The following SEL1L3 variants were observed in gnomAD, a reference collection of about 807,000 sequenced individuals.
SEL1L3 encodes protein sel-1 homolog 3.
In SEL1L3, 76 loss-of-function variants were observed where a neutral mutation model predicts 142.8. That is an observed-to-expected ratio of 0.53 (90% CI 0.44 to 0.64). The LOEUF is 0.64. SEL1L3 is among the 30% of genes least tolerant of loss of function. SEL1L3 has a pLI of 0.00. For missense variants in SEL1L3, 1,262 were observed against 1,381.7 expected, an observed-to-expected ratio of 0.91 and a Z score of 1.37; for synonymous variants, 504 against 519.6, an observed-to-expected ratio of 0.97 and a Z score of 0.41.
intron 23 of SEL1L3, among the ~76,000 whole-genome samples, chr4:25,752,301 C>T (rs1277831911): frequency 6.6e-6 from 1 of 150,564 alleles, no homozygotes; most frequent in Non-Finnish European, 1.5e-5. Context: ...CCTGTAGTCC[C>T]AGCTACTCAG....
At chr4:25,776,161 G>A (rs1347881235) in intron 17 of SEL1L3, 116 bp downstream of exon 17, 20 of 636,532 alleles carry the variant, frequency 3.1e-5, no homozygotes, top group Non-Finnish European at 2.3e-5. Flanking sequence ...TATCATTACT[G>A]GGAGCTGTGA....
intron 19 of SEL1L3, among the ~76,000 whole-genome samples, chr4:25,765,675 G>T (rs547491081): frequency 6.6e-6 from 1 of 151,730 alleles, no homozygotes; most frequent in South Asian, 2.1e-4. Context: ...TAGGGTCTCC[G>T]CTGCCTAGGC....
intron 11 of SEL1L3, among the ~76,000 whole-genome samples, chr4:25,794,822 T>C (rs1712600117): frequency 6.6e-6 from 1 of 152,142 alleles, no homozygotes; most frequent in African/African-American, 2.4e-5. Context: ...CCATCAGTGA[T>C]AGACTGGATA....
intron 11 of SEL1L3, among the ~76,000 whole-genome samples, chr4:25,793,864 C>T (rs1050114062): frequency 1.3e-5 from 2 of 152,116 alleles, no homozygotes; most frequent in Non-Finnish European, 2.9e-5. Flanking sequence ...AATTTCTGAC[C>T]TCATAAGGTT....
At chr4:25,831,437 A>G (rs1485460295) in intron 5 of SEL1L3, among the ~76,000 whole-genome samples, 1 of 151,014 alleles carries the variant, frequency 6.6e-6, no homozygotes, top group Non-Finnish European at 1.5e-5. Context: ...CCAGCATAAA[A>G]TGCTATCTCC....
chr4:25,763,886 A>G (rs1718545942), intron 20 of SEL1L3, among the ~76,000 whole-genome samples: 1 of 152,168 alleles, frequency 6.6e-6, no homozygotes, highest in African/African-American at 2.4e-5. Flanking sequence ...CCAAAGATTG[A>G]TACAGGGATA....
the SEL1L3 span, among the ~76,000 whole-genome samples, chr4:25,740,442 A>G: frequency 5.9e-5 from 9 of 151,836 alleles, no homozygotes; most frequent in Admixed American, 2.0e-4. Context: ...CAAAAAAAAA[A>G]AAAAAAATCT....
chr4:25,820,255 C>T (rs796161651), intron 7 of SEL1L3, among the ~76,000 whole-genome samples: 2 of 152,320 alleles, frequency 1.3e-5, no homozygotes, highest in African/African-American at 2.4e-5. Flanking sequence ...CTCACCTCCC[C>T]CTTCAATTCC....
chr4:25,803,624 T>A (rs1470617954), intron 10 of SEL1L3, among the ~76,000 whole-genome samples: 3 of 152,154 alleles, frequency 2.0e-5, no homozygotes, highest in Non-Finnish European at 4.4e-5. Context: ...ACTGGTGAGG[T>A]AAGCTACACA....
chr4:25,752,494 C>T (rs1717670643), intron 23 of SEL1L3, among the ~76,000 whole-genome samples: 1 of 151,300 alleles, frequency 6.6e-6, no homozygotes, highest in South Asian at 2.1e-4. Context: ...AGGCTTTGGT[C>T]ATTATGTCTG....
chr4:25,853,664 C>CTTTTTTTTTT (rs34922528), intron 1 of SEL1L3, among the ~76,000 whole-genome samples: 10 of 83,004 alleles, frequency 1.2e-4, no homozygotes, highest in Non-Finnish European at 1.7e-4. Context: ...CTCTTCTTAC[C>CTTTTTTTTTT]TTTTTTTTTT....
At chr4:25,857,754 A>G (rs1717367914) in intron 1 of SEL1L3, among the ~76,000 whole-genome samples, 1 of 152,150 alleles carries the variant, frequency 6.6e-6, no homozygotes, top group Non-Finnish European at 1.5e-5. Context: ...GATGCCCTCA[A>G]CTCACGTCCT....
At chr4:25,806,600 T>C (rs1427762072) in intron 9 of SEL1L3, among the ~76,000 whole-genome samples, 1 of 152,030 alleles carries the variant, frequency 6.6e-6, no homozygotes, top group Non-Finnish European at 1.5e-5. Context: ...GTCCCTGAGA[T>C]GGGGACACTG....
intron 1 of SEL1L3, among the ~76,000 whole-genome samples, chr4:25,855,615 G>A (rs1717204081): frequency 6.6e-6 from 1 of 152,190 alleles, no homozygotes; most frequent in South Asian, 2.1e-4. Context: ...AAAAAAGTTA[G>A]CCAGGTGTGG....
chr4:25,763,112 T>C (rs1181191496), intron 20 of SEL1L3, among the ~76,000 whole-genome samples: 1 of 152,150 alleles, frequency 6.6e-6, no homozygotes, highest in African/African-American at 2.4e-5. Context: ...CATTCTTTGG[T>C]TTATTTTTCT....
At chr4:25,813,996 AC>A (rs1438638144) in intron 9 of SEL1L3, among the ~76,000 whole-genome samples, 2 of 152,150 alleles carry the variant, frequency 1.3e-5, no homozygotes, top group Non-Finnish European at 2.9e-5. Flanking sequence ...CTAAAATCAC[AC>A]AGTGTGGGGG....
intron 9 of SEL1L3, among the ~76,000 whole-genome samples, chr4:25,815,633 C>A (rs1197959096): frequency 6.6e-6 from 1 of 152,056 alleles, no homozygotes; most frequent in Non-Finnish European, 1.5e-5. Context: ...TGGTCTTAGT[C>A]CATTTAGCCT....
chr4:25,756,823 T>A (rs1375668056), intron 23 of SEL1L3: 80 of 1,271,264 alleles, frequency 6.3e-5, no homozygotes, highest in Non-Finnish European at 8.0e-5. Flanking sequence ...CTCTTACACA[T>A]CTGATTGCTT....
the SEL1L3 span, among the ~76,000 whole-genome samples, chr4:25,739,550 C>G: frequency 2.0e-5 from 3 of 151,892 alleles, no homozygotes; most frequent in Admixed American, 6.6e-5. Flanking sequence ...ACTAAAAATA[C>G]AAAAGTCAGC....
Sources: allele counts gnomAD v4.1 joint callset (sites outside exome capture counted in the v4.1 genomes callset), GRCh38; gene constraint gnomAD v4.1.1; transcripts MANE v1.5; gene names NCBI Gene and HGNC (gene_info 2026-07-23, HGNC 2026-07-21).